The following CRISP1 variants were observed in gnomAD, a reference collection of about 807,000 sequenced individuals.
The protein encoded by CRISP1 is cysteine rich secretory protein 1.
Under a neutral mutation model 33.1 loss-of-function variants are expected in CRISP1, and 44 were observed. The ratio of observed to expected loss-of-function variants is 1.33; its 90% confidence interval spans 1.05 to 1.71. The LOEUF (loss-of-function observed/expected upper bound fraction) is 1.71. Ranked by LOEUF, CRISP1 falls within the 40% of genes most tolerant of loss-of-function variation. The pLI is 0.00. For missense variants in CRISP1, 390 were observed against 301.2 expected (o/e 1.29, Z -2.18); for synonymous variants, 103 against 98.7 (o/e 1.04, Z -0.26).
chr6:49,874,569 T>C (rs953053225), intron 1 of CRISP1, among the ~76,000 whole-genome samples: 2 of 152,040 alleles, frequency 1.3e-5, no homozygotes, highest in African/African-American at 2.4e-5. Flanking sequence ...AGCATCATCC[T>C]GATACCAAAA....
chr6:49,835,208 A>C lies in CRISP1; in HGVS notation c.*108T>G. 5 of 1,221,792 alleles carry C rather than the reference A, an allele frequency of 4.1e-6. No homozygotes were observed. Among genetic ancestry groups the C allele is most frequent in the Non-Finnish European group, 4.6e-6 (4 of 877,082 alleles). The allele number at this position is 1,221,792 out of a possible 1,614,324, so 75.7% of individuals were successfully genotyped here. A position where few individuals can be genotyped will look rare whatever the true frequency, so the allele number is the denominator to read the frequency against. On this transcript the variant is annotated 3_prime_UTR_variant, in exon 8 of 8. Coordinates refer to ENST00000335847, the MANE Select transcript of CRISP1 (RefSeq NM_001131.3). The stretch of plus-strand genomic sequence containing the variant: ...GGAGTTAAGGTCTCCAGCATGATTA[A>C]AATCAGTGAAATTTAGCAGAAGCTA...
chr6:49,867,694 C>T (rs575143526), upstream of CRISP1, among the ~76,000 whole-genome samples: 2 of 152,112 alleles, frequency 1.3e-5, no homozygotes, highest in South Asian at 4.2e-4. Flanking sequence ...AAATTGCTCA[C>T]CTATACCTAG....
chr6:49,856,628 G>A (rs1771504486), intron 2 of CRISP1, among the ~76,000 whole-genome samples: 1 of 151,840 alleles, frequency 6.6e-6, no homozygotes, highest in South Asian at 2.1e-4. Context: ...TCTCTACCTG[G>A]CCTACGAAAA....
At chr6:49,838,895 A>G (rs951826888) in intron 6 of CRISP1, among the ~76,000 whole-genome samples, 4 of 152,196 alleles carry the variant, frequency 2.6e-5, no homozygotes, top group African/African-American at 9.6e-5. Context: ...AGGACTTGGT[A>G]AACCATCATT....
intron 1 of CRISP1, among the ~76,000 whole-genome samples, chr6:49,875,576 A>T (rs1772017371): frequency 6.6e-6 from 1 of 152,094 alleles, no homozygotes; most frequent in South Asian, 2.1e-4. Context: ...ACCAAAGAAG[A>T]CCCCAAATAG....
upstream of CRISP1, among the ~76,000 whole-genome samples, chr6:49,870,900 C>A (rs1043797604): frequency 6.6e-6 from 1 of 151,984 alleles, no homozygotes; most frequent in Admixed American, 6.6e-5. Flanking sequence ...TGTTTGAGAC[C>A]AGCCTGGCCA....
intron 5 of CRISP1, among the ~76,000 whole-genome samples, 172 bp downstream of exon 5, chr6:49,846,348 G>A (rs949696637): frequency 6.6e-6 from 1 of 152,126 alleles, no homozygotes; most frequent in Non-Finnish European, 1.5e-5. Flanking sequence ...TCTTCTCTAA[G>A]TCGTATTTTG....
chr6:49,875,265 C>A (rs1303859688), intron 1 of CRISP1, among the ~76,000 whole-genome samples: 2 of 151,552 alleles, frequency 1.3e-5, no homozygotes, highest in Non-Finnish European at 2.9e-5. Context: ...TCCTATATAC[C>A]AACAAGAGGC....
At chr6:49,875,004 C>G (rs142923210) in intron 1 of CRISP1, among the ~76,000 whole-genome samples, 1 of 151,906 alleles carries the variant, frequency 6.6e-6, no homozygotes, top group Non-Finnish European at 1.5e-5. Context: ...TGACACAAGA[C>G]GAGGATGCCC....
chr6:49,856,775 ATAT>A (rs1179056215), intron 2 of CRISP1, among the ~76,000 whole-genome samples: 1 of 152,080 alleles, frequency 6.6e-6, no homozygotes, highest in Non-Finnish European at 1.5e-5. Flanking sequence ...TGATCATAAA[ATAT>A]TATATCATTG....
intron 2 of CRISP1, among the ~76,000 whole-genome samples, chr6:49,854,368 A>G (rs1301210313): frequency 6.6e-6 from 1 of 152,018 alleles, no homozygotes; most frequent in African/African-American, 2.4e-5. Context: ...ATGATTATGC[A>G]GCTTATATCT....
chr6:49,852,971 C>A lies in CRISP1; in HGVS notation c.67-842G>T, dbSNP rs557883444. 3.3e-5 allele frequency among the ~76,000 whole-genome samples: 5 copies of A among 151,936 alleles called. No homozygotes were observed. The East Asian group carries it at 9.7e-4, about 30-fold the overall frequency. On this transcript the variant is annotated intron_variant, in intron 2 of 7. Transcript: ENST00000335847. ...TGAGGGGTGTCTGTTGCTTCCTTAA[C>A]TACCACATGACCATCAGCACAATTT...
Position 49,875,878 on chromosome 6 carries a change from C to T in CRISP1, c.-3+1131G>A, listed in dbSNP as rs533663080. On this transcript the variant is annotated intron_variant, in intron 1 of 7. Transcript: ENST00000505118. ...ATTGAAACTGGATCCTTTCCTTACA[C>T]CTTATACAAAAATTAACTCAAGATG... Among the ~76,000 whole-genome samples the T allele has an allele frequency of 4.6e-5, 7 of 152,146 alleles. No homozygotes were observed. The South Asian group carries it at 1.5e-3, about 32-fold the overall frequency.
In CRISP1 at chr6:49,834,412, G is replaced by A. The variant is rs1030002710; in HGVS notation, c.*904C>T. On this transcript the variant is annotated 3_prime_UTR_variant, in exon 8 of 8. Transcript: ENST00000335847. The stretch of plus-strand genomic sequence containing the variant: ...CCCTTCAATATTCCCTAAGGCTTCA[G>A]TGCATTTTACGTTAGTTGGCCTTAA... 1.3e-5 allele frequency: 2 copies of A among 152,050 alleles called. No homozygotes were observed. Among genetic ancestry groups the A allele is most frequent in the Non-Finnish European group, 2.9e-5 (2 of 68,004 alleles). The allele number at this position is 152,050 out of a possible 1,614,324, so 9.4% of individuals were successfully genotyped here.
upstream of CRISP1, among the ~76,000 whole-genome samples, chr6:49,867,697 A>G (rs1278123261): frequency 2.0e-5 from 3 of 152,120 alleles, no homozygotes; most frequent in Non-Finnish European, 2.9e-5. Context: ...TTGCTCACCT[A>G]TACCTAGAAG....
At position 49,848,312 on chromosome 6, in the gene CRISP1, G is replaced by GAA; in HGVS notation, c.196-15_196-14dup. On this transcript the variant is annotated splice_polypyrimidine_tract_variant and intron_variant, in intron 3 of 7. Transcript: ENST00000335847. ...CTTCACTCCAACTCTGTAGTGGAAA[G>GAA]AAAAAAAAAGCACATGTTCCAATTA... The GAA allele has an allele frequency of 4.8e-6, 7 of 1,445,766 alleles. No homozygotes were observed. Among genetic ancestry groups the GAA allele is most frequent in the South Asian group, 3.8e-5 (3 of 78,952 alleles). 89.6% of individuals were successfully genotyped at this position (1,445,766 alleles called of 1,614,324 possible).
intron 5 of CRISP1, among the ~76,000 whole-genome samples, chr6:49,844,057 C>T (rs1461755296): frequency 6.6e-6 from 1 of 152,016 alleles, no homozygotes; most frequent in African/African-American, 2.4e-5. Flanking sequence ...GGAGAGCAAG[C>T]AATTGAAGAA....
At chr6:49,859,410 A>C (rs1252089702) in intron 1 of CRISP1, among the ~76,000 whole-genome samples, 1 of 152,054 alleles carries the variant, frequency 6.6e-6, no homozygotes, top group African/African-American at 2.4e-5. Flanking sequence ...GAAAAAAAAA[A>C]AAAAGAAACA....
intron 1 of CRISP1, among the ~76,000 whole-genome samples, chr6:49,860,995 A>G (rs188465574): frequency 1.3e-4 from 20 of 152,166 alleles, no homozygotes; most frequent in African/African-American, 4.8e-4. Flanking sequence ...AAAATTTTAG[A>G]GAAAATGAAT....
Sources: allele counts gnomAD v4.1 joint callset (sites outside exome capture counted in the v4.1 genomes callset), GRCh38; gene constraint gnomAD v4.1.1; transcripts MANE v1.5; gene names NCBI Gene and HGNC (gene_info 2026-07-23, HGNC 2026-07-21).